LPAR6: variants seen among roughly 807,000 people sequenced by gnomAD.
LPAR6 encodes the protein G-protein coupled purinergic receptor P2Y5.
In LPAR6, 17 loss-of-function variants were observed where a neutral mutation model predicts 22.0. The ratio of observed to expected loss-of-function variants is 0.77; its 90% CI spans 0.53 to 1.16. LPAR6 has a LOEUF of 1.16. LPAR6 is among the 50% of genes most tolerant of loss of function. LPAR6 has a pLI of 0.00. For missense variants in LPAR6, 384 were observed against 406.9 expected (o/e 0.94, Z 0.48); for synonymous variants, 136 against 139.8 (o/e 0.97, Z 0.19).
chr13:48,435,459 C>T (rs891313447), intron 1 of LPAR6, among the ~76,000 whole-genome samples: 13 of 152,040 alleles, frequency 8.6e-5, no homozygotes, highest in African/African-American at 3.1e-4. Flanking sequence ...TATATGTTCT[C>T]AATACTAGTC....
intron 1 of LPAR6, among the ~76,000 whole-genome samples, chr13:48,400,105 G>A (rs927123152): frequency 6.6e-6 from 1 of 152,096 alleles, no homozygotes; most frequent in Non-Finnish European, 1.5e-5. Flanking sequence ...AGTTTAGGAA[G>A]TAGTGCTCAT....
At chr13:48,392,397 C>T (rs1001462347) in intron 1 of LPAR6, among the ~76,000 whole-genome samples, 3 of 152,190 alleles carry the variant, frequency 2.0e-5, no homozygotes, top group Non-Finnish European at 4.4e-5. Flanking sequence ...AAGCATGAGC[C>T]ACCACGCCTG....
intron 1 of LPAR6, among the ~76,000 whole-genome samples, chr13:48,432,727 C>T (rs564333143): frequency 1.3e-5 from 2 of 152,092 alleles, no homozygotes; most frequent in African/African-American, 4.8e-5. Flanking sequence ...TTTGTCCTAA[C>T]TATGCTTGAG....
intron 1 of LPAR6, chr13:48,424,216 C>A (rs1949048025): frequency 6.6e-6 from 1 of 152,236 alleles, no homozygotes; most frequent in Non-Finnish European, 1.5e-5. Flanking sequence ...ATAAAAATAT[C>A]TTTTAGCCTA....
intron 1 of LPAR6, among the ~76,000 whole-genome samples, chr13:48,404,457 A>T (rs1354859683): frequency 3.3e-5 from 5 of 152,128 alleles, no homozygotes; most frequent in Non-Finnish European, 7.4e-5. Flanking sequence ...AAAAAATTCC[A>T]AAACTAATGA....
chr13:48,443,389 G>A (rs1232214848), intron 1 of LPAR6, among the ~76,000 whole-genome samples: 2 of 151,902 alleles, frequency 1.3e-5, no homozygotes, highest in Non-Finnish European at 2.9e-5. Context: ...GTTTAAAAGA[G>A]TTTTAGTTTT....
intron 1 of LPAR6, among the ~76,000 whole-genome samples, chr13:48,426,109 AC>A (rs1362547203): frequency 6.6e-6 from 1 of 152,202 alleles, no homozygotes; most frequent in Non-Finnish European, 1.5e-5. Context: ...TTTTGACCTT[AC>A]CTTGGGCAAA....
chr13:48,403,438 T>C (rs571826035), intron 1 of LPAR6, among the ~76,000 whole-genome samples: 1 of 152,142 alleles, frequency 6.6e-6, no homozygotes, highest in African/African-American at 2.4e-5. Flanking sequence ...TTCATTTTTT[T>C]AGTATAAAAA....
chr13:48,391,995 T>A (rs939060262), intron 1 of LPAR6, among the ~76,000 whole-genome samples: 7 of 152,256 alleles, frequency 4.6e-5, no homozygotes, highest in Non-Finnish European at 7.3e-5. Flanking sequence ...AAAAACATTT[T>A]ACCTTTATTT....
downstream of LPAR6, among the ~76,000 whole-genome samples, chr13:48,409,868 C>T (rs985932482): frequency 1.2e-4 from 18 of 151,844 alleles, no homozygotes; most frequent in Non-Finnish European, 1.5e-4. Context: ...TGTGAACCAC[C>T]GTGCCCGGCC....
intron 2 of LPAR6, chr13:48,422,584 G>C (rs1050605751): frequency 1.6e-4 from 25 of 151,974 alleles, no homozygotes; most frequent in Admixed American, 1.4e-3. Context: ...AGACTGATTT[G>C]AAATATAGTG....
chr13:48,418,730 G>T (rs1400990074), intron 2 of LPAR6, among the ~76,000 whole-genome samples: 3 of 151,434 alleles, frequency 2.0e-5, no homozygotes, highest in African/African-American at 7.3e-5. Context: ...AAAAGCAGGG[G>T]TTGCAATCCT....
upstream of LPAR6, chr13:48,429,281 G>A (rs1223181288): frequency 6.6e-6 from 1 of 152,244 alleles, no homozygotes; most frequent in Admixed American, 6.5e-5. Flanking sequence ...TAGGTGCAGT[G>A]ACACATGCCT....
At chr13:48,437,514 C>A (rs1949195997) in intron 1 of LPAR6, among the ~76,000 whole-genome samples, 1 of 152,178 alleles carries the variant, frequency 6.6e-6, no homozygotes, top group Admixed American at 6.5e-5. Context: ...ATGAGAGATT[C>A]TTAAATTGTC....
upstream of LPAR6, among the ~76,000 whole-genome samples, chr13:48,430,896 CTGGG>C (rs1421811504): frequency 1.3e-5 from 2 of 152,108 alleles, no homozygotes; most frequent in Non-Finnish European, 2.9e-5. Context: ...GTACTTCAGC[CTGGG>C]TGACAGCCCA....
At chr13:48,440,714 G>C (rs938721343) in intron 1 of LPAR6, among the ~76,000 whole-genome samples, 40 of 151,990 alleles carry the variant, frequency 2.6e-4, no homozygotes, top group African/African-American at 9.2e-4. Context: ...TAGATAAAGG[G>C]TTTTCTTTGT....
At chr13:48,397,744 T>C (rs138290917) in intron 1 of LPAR6, among the ~76,000 whole-genome samples, 53 of 152,292 alleles carry the variant, frequency 3.5e-4, no homozygotes, top group African/African-American at 1.2e-3. Flanking sequence ...GAATAGCCCA[T>C]AGTTTTAGAG....
chr13:48,416,817 C>T (rs769605301), upstream of LPAR6, among the ~76,000 whole-genome samples: 5 of 152,132 alleles, frequency 3.3e-5, no homozygotes, highest in Non-Finnish European at 4.4e-5. Context: ...GCAAAGCCAC[C>T]GGGAAGTTTG....
At chr13:48,434,533 CA>C (rs1380884394) in intron 1 of LPAR6, among the ~76,000 whole-genome samples, 1 of 152,048 alleles carries the variant, frequency 6.6e-6, no homozygotes, top group Non-Finnish European at 1.5e-5. Flanking sequence ...CACCCAGCCA[CA>C]AAAAACACCC....
Sources: gnomAD v4.1 joint callset for allele counts (sites outside exome capture counted in the v4.1 genomes callset) on GRCh38, gnomAD v4.1.1 for gene constraint, MANE v1.5 for transcripts, NCBI Gene and HGNC (gene_info 2026-07-23, HGNC 2026-07-21) for gene names.